Variants in PDE1A observed in about 807,000 individuals in gnomAD.
The protein encoded by PDE1A is phosphodiesterase 1A, also known as dual specificity calcium/calmodulin-dependent 3',5'-cyclic nucleotide phosphodiesterase 1A.
In PDE1A, 35 loss-of-function variants were observed where a neutral mutation model predicts 61.7. That is an observed-to-expected ratio of 0.57 (90% confidence interval 0.43 to 0.75). PDE1A has a LOEUF of 0.75. Among genes scored for constraint, PDE1A ranks in the 30% least tolerant of loss-of-function variants. PDE1A has a pLI of 0.00. For synonymous variants in PDE1A, 232 were observed against 213.2 expected (o/e 1.09, Z -0.77); for missense variants, 597 against 630.6 (o/e 0.95, Z 0.57).
chr2:182,317,753 C>T (rs1156622600), intron 1 of PDE1A, among the ~76,000 whole-genome samples: 1 of 151,958 alleles, frequency 6.6e-6, no homozygotes, highest in Non-Finnish European at 1.5e-5. Flanking sequence ...TCTTTCAGTT[C>T]TTAATTGATT....
the PDE1A span, among the ~76,000 whole-genome samples, chr2:182,560,963 G>A: frequency 6.6e-6 from 1 of 151,460 alleles, no homozygotes; most frequent in Non-Finnish European, 1.5e-5. Flanking sequence ...TTAGCCCTTG[G>A]TCAGATGAGT....
the PDE1A span, among the ~76,000 whole-genome samples, chr2:182,585,050 C>T: frequency 6.6e-6 from 1 of 152,196 alleles, no homozygotes; most frequent in African/African-American, 2.4e-5. Flanking sequence ...AAGCTTTTAA[C>T]ACCTAAATAG....
the PDE1A span, among the ~76,000 whole-genome samples, chr2:182,678,282 G>T: frequency 2.0e-5 from 3 of 152,146 alleles, no homozygotes; most frequent in African/African-American, 7.2e-5. Context: ...AATTAGCCAG[G>T]CATGGTGGTG....
intron 1 of PDE1A, among the ~76,000 whole-genome samples, chr2:182,300,924 C>T (rs1234451351): frequency 6.6e-6 from 1 of 152,154 alleles, no homozygotes; most frequent in African/African-American, 2.4e-5. Context: ...ACTGATTTCT[C>T]ATAATCAGAG....
chr2:182,523,286 T>G (rs1690665716), upstream of PDE1A: 1 of 152,176 alleles, frequency 6.6e-6, no homozygotes, highest in East Asian at 1.9e-4. Context: ...TGTGTGTGTG[T>G]GTTTATGAGA....
intron 11 of PDE1A, among the ~76,000 whole-genome samples, chr2:182,187,090 T>C (rs1171264468): frequency 6.6e-6 from 1 of 152,252 alleles, no homozygotes; most frequent in Non-Finnish European, 1.5e-5. Flanking sequence ...ACTATATCAG[T>C]CAGAGCTTTC....
chr2:182,299,095 T>G (rs1385300073), intron 1 of PDE1A, among the ~76,000 whole-genome samples: 2 of 151,928 alleles, frequency 1.3e-5, no homozygotes, highest in Non-Finnish European at 2.9e-5. Context: ...TCCCCAATAT[T>G]TTCGCCGAAA....
At chr2:182,272,247 C>T (rs1435970546) in intron 1 of PDE1A, among the ~76,000 whole-genome samples, 1 of 152,152 alleles carries the variant, frequency 6.6e-6, no homozygotes, top group Non-Finnish European at 1.5e-5. Context: ...CTCCCAAGGC[C>T]AGCTTCATGG....
chr2:182,519,867 G>A (rs1164140395), intron 2 of PDE1A, among the ~76,000 whole-genome samples: 1 of 151,458 alleles, frequency 6.6e-6, no homozygotes, highest in East Asian at 1.9e-4. Flanking sequence ...TTTACATACT[G>A]GAAGCTCAAT....
At chr2:182,257,350 TG>T (rs1225774776) in intron 2 of PDE1A, among the ~76,000 whole-genome samples, 2 of 152,230 alleles carry the variant, frequency 1.3e-5, no homozygotes, top group South Asian at 2.1e-4. Context: ...CTTTGACATT[TG>T]AAAAGTCAAA....
At chr2:182,334,424 A>T (rs55773042) in intron 1 of PDE1A, among the ~76,000 whole-genome samples, 29,868 of 152,184 alleles carry the variant, frequency 0.2, 3,463 homozygotes, top group East Asian at 0.49. Flanking sequence ...AAGCTTATGC[A>T]ACACGATCAA....
At chr2:182,238,458 G>T (rs1305403105) in intron 3 of PDE1A, among the ~76,000 whole-genome samples, 1 of 152,048 alleles carries the variant, frequency 6.6e-6, no homozygotes, top group African/African-American at 2.4e-5. Flanking sequence ...GTGGAGATGA[G>T]GAAGTGAGTG....
At chr2:182,589,684 C>G in the PDE1A span, among the ~76,000 whole-genome samples, 1 of 152,202 alleles carries the variant, frequency 6.6e-6, no homozygotes, top group African/African-American at 2.4e-5. Flanking sequence ...AAATTTGTAT[C>G]TATCTAAATC....
At chr2:182,380,675 T>C (rs1211707923) in intron 1 of PDE1A, among the ~76,000 whole-genome samples, 2 of 152,226 alleles carry the variant, frequency 1.3e-5, no homozygotes, top group Non-Finnish European at 2.9e-5. Context: ...TCAATGAACA[T>C]TTGTAGAATT....
intron 3 of PDE1A, among the ~76,000 whole-genome samples, chr2:182,236,582 G>C (rs1690037714): frequency 1.3e-5 from 2 of 152,190 alleles, no homozygotes; most frequent in East Asian, 3.8e-4. Flanking sequence ...ACTCACTGCT[G>C]TGTGACCTTT....
intron 2 of PDE1A, among the ~76,000 whole-genome samples, chr2:182,467,848 A>G (rs1284560077): frequency 6.6e-6 from 1 of 151,986 alleles, no homozygotes; most frequent in African/African-American, 2.4e-5. Flanking sequence ...AGTCTACCAC[A>G]ATAAAGCTAA....
At chr2:182,297,394 T>A (rs1694957592) in intron 1 of PDE1A, among the ~76,000 whole-genome samples, 1 of 152,208 alleles carries the variant, frequency 6.6e-6, no homozygotes. Flanking sequence ...AGCTATTTTT[T>A]AATCTTTATC....
chr2:182,382,740 T>C (rs1275854597), intron 1 of PDE1A, among the ~76,000 whole-genome samples: 1 of 152,142 alleles, frequency 6.6e-6, no homozygotes, highest in Non-Finnish European at 1.5e-5. Context: ...TATTTTCTTT[T>C]GGAGCAAAAT....
the PDE1A span, among the ~76,000 whole-genome samples, chr2:182,705,656 G>A: frequency 6.6e-6 from 1 of 152,140 alleles, no homozygotes; most frequent in Non-Finnish European, 1.5e-5. Flanking sequence ...TGGGGTTACA[G>A]GCATGCGCCA....
Sources: gnomAD v4.1 joint callset for allele counts (sites outside exome capture counted in the v4.1 genomes callset) on GRCh38, gnomAD v4.1.1 for gene constraint, MANE v1.5 for transcripts, NCBI Gene and HGNC (gene_info 2026-07-23, HGNC 2026-07-21) for gene names.